The following AIRE variants were observed in gnomAD, a reference collection of about 807,000 sequenced individuals.
AIRE encodes the protein autoimmune regulator, also known as autoimmune polyendocrinopathy candidiasis ectodermal dystrophy protein.
A neutral mutation model predicts 62.1 loss-of-function variants in AIRE; 52 were observed. The observed-to-expected ratio is 0.84, with a 90% CI of 0.67 to 1.06. The LOEUF is 1.06. Ranked by LOEUF, AIRE falls within the 50% of genes least tolerant of loss-of-function variation. The pLI is 0.00. For synonymous variants in AIRE, 342 were observed against 321.6 expected, an observed-to-expected ratio of 1.06 and a Z score of -0.68; for missense variants, 774 against 755.8, an observed-to-expected ratio of 1.02 and a Z score of -0.28.
rs2040476806 is a variant in AIRE at position 44,285,968 on chromosome 21, ACCGCGTCCGCCCCAGCCCCGGGTCC to A, written c.-33_-9del. The stretch of plus-strand genomic sequence containing the variant: ...AGGGGCTGCCAGTGTCCCGGGACCC[ACCGCGTCCGCCCCAGCCCCGGGTCC>A]CCGCGCCCACCCCATGGCGACGGAC... On this transcript the variant is annotated 5_prime_UTR_variant, in exon 1 of 14. Coordinates refer to ENST00000291582, the MANE Select transcript of AIRE (RefSeq NM_000383.4). 4.0e-6 allele frequency: 6 copies of A among 1,517,594 alleles called. No homozygotes were observed. The highest frequency in any genetic ancestry group is 5.3e-6 in the Non-Finnish European group (6 of 1,137,510). The allele number at this position is 1,517,594 out of a possible 1,614,324, so 94.0% of individuals were successfully genotyped here.
chr21:44,292,862 T>TCCGCCCCCACCATGCCAGCCCA, intron 9 of AIRE, 131 bp from the exon 10 acceptor site: 1 of 758,096 alleles, frequency 1.3e-6, no homozygotes, highest in Non-Finnish European at 2.3e-6. Flanking sequence ...ATGCCAGCCC[T>TCCGCCCCCACCATGCCAGCCCA]CCGCCCCCAC....
intron 7 of AIRE, chr21:44,290,835 C>T (rs747802771): frequency 6.3e-7 from 1 of 1,577,362 alleles, no homozygotes; most frequent in Admixed American, 1.7e-5. Flanking sequence ...TCCGGGGCCC[C>T]TGGAACGCAG....
chr21:44,297,769 G>T lies in AIRE; in HGVS notation c.*42G>T. The T allele has an allele frequency of 6.4e-7, 1 of 1,565,308 alleles. No individual in the cohort carries two copies. Among genetic ancestry groups the T allele is most frequent in the Non-Finnish European group, 8.8e-7 (1 of 1,138,270 alleles). ...CATGCAGCTCTGATGAGAGAGTGCT[G>T]AGAAGGACACCTCCTTCCTCAGTCC... On this transcript the variant is annotated 3_prime_UTR_variant, in exon 14 of 14. Coordinates refer to ENST00000291582, the MANE Select transcript of AIRE (RefSeq NM_000383.4). The surrounding 1 kb of genome is among the most constrained non-coding windows in gnomAD (Gnocchi z 4.8).
In AIRE at chr21:44,287,561, G is replaced by C. The variant is rs534008464; in HGVS notation, c.508G>C (p.Ala170Pro). 6.4e-7 allele frequency: 1 copy of C among 1,558,954 alleles called. No individual in the cohort carries two copies. Among genetic ancestry groups the C allele is most frequent in the Non-Finnish European group, 8.7e-7 (1 of 1,151,500 alleles). The change falls in exon 4 of 14, where the codon GCA becomes CCA. Residue 170 changes from alanine (A) to proline (P), a missense_variant. Coordinates refer to ENST00000291582, the MANE Select transcript of AIRE (RefSeq NM_000383.4). This position sits in a 1 kb window ranked among gnomAD's most constrained non-coding sequence, Gnocchi z 4.3. ...GCCCCCCAAGAAGCCGGAGAGCAGC[G>C]CAGAGCAGCAGCGCCTTCCACTCGG... ...AKPPKKPESS[A>P]EQQRLPLGNG...
chr21:44,290,722 G>A, intron 7 of AIRE: 1 of 1,383,576 alleles, frequency 7.2e-7, no homozygotes, highest in Non-Finnish European at 9.6e-7. Context: ...AGGACGGTGG[G>A]GGCTGCAGGT....
In AIRE at chr21:44,297,705, C is replaced by T. The variant is rs179363889; in HGVS notation, c.1616C>T (p.Pro539Leu). The change falls in exon 14 of 14, where the codon CCG becomes CTG. Residue 539 changes from proline to leucine, a missense_variant. Pro to Leu is a moderately conservative substitution (Grantham distance 98). Transcript: ENST00000291582. This position sits in a 1 kb window ranked among gnomAD's most constrained non-coding sequence, Gnocchi z 4.8. ...TGGGCCATCCAGAGCATGGCCCGTCCGGCGGCCCCCTTCCCCTCCTGACCC... is the reference window on the plus strand; with the variant it reads ...TGGGCCATCCAGAGCATGGCCCGTCTGGCGGCCCCCTTCCCCTCCTGACCC... ...LQWAIQSMAR[P>L]AAPFPS 29 of 1,612,284 alleles carry T rather than the reference C, an allele frequency of 1.8e-5. No individual in the cohort carries two copies. The highest frequency in any genetic ancestry group is 3.3e-5 in the Admixed American group (2 of 60,004).
Position 44,292,306 on chromosome 21 carries a change from AC to A in AIRE, c.1002del (p.Trp335GlyfsTer43), listed in dbSNP as rs769305771. 4.5e-6 allele frequency: 7 copies of A among 1,572,342 alleles called. No homozygotes were observed. Among genetic ancestry groups the A allele is most frequent in the Non-Finnish European group, 5.2e-6 (6 of 1,159,372 alleles). ...GACTGGTGGACACACGAGCAGTGGGACCTGGAGGTGCTCCAGCTGCCTGCAG... is the reference window on the plus strand; with the variant it reads ...GACTGGTGGACACACGAGCAGTGGGACTGGAGGTGCTCCAGCTGCCTGCAG... The part of the protein sequence containing the change: ...SPPLREIPSG[T>X]WRCSSCLQAT... On this transcript the variant is annotated frameshift_variant, in exon 9 of 14. Coordinates refer to ENST00000291582, the MANE Select transcript of AIRE (RefSeq NM_000383.4). LOFTEE classifies it high-confidence loss of function.
rs776265045 is a variant in AIRE, at chr21:44,289,962, A to C, written c.799-26A>C. 2.5e-6 allele frequency: 4 copies of C among 1,608,106 alleles called. No homozygotes were observed. The South Asian group carries it at 4.4e-5, about 18-fold the overall frequency. ...CACCCTCGCTGCTGAGGCTGCCCCCATTGCTGACGCCCCTCTTCCTTGCAG... is the reference window on the plus strand; with the variant it reads ...CACCCTCGCTGCTGAGGCTGCCCCCCTTGCTGACGCCCCTCTTCCTTGCAG... On this transcript the variant is annotated intron_variant, in intron 6 of 13. Coordinates refer to ENST00000291582, the MANE Select transcript of AIRE (RefSeq NM_000383.4).
chr21:44,296,522 T>G (rs1395032510), intron 13 of AIRE, 77 bp downstream of exon 13: 1 of 1,386,468 alleles, frequency 7.2e-7, no homozygotes, highest in East Asian at 2.3e-5. Context: ...CTCCCCACTC[T>G]GGGGGAGGAC....
intron 12 of AIRE, among the ~76,000 whole-genome samples, chr21:44,294,710 G>A (rs1157042413): frequency 6.6e-6 from 1 of 152,180 alleles, no homozygotes; most frequent in African/African-American, 2.4e-5. Context: ...AGTTAAAAAG[G>A]AAGCTCCCCC....
intron 8 of AIRE, among the ~76,000 whole-genome samples, 165 bp from the exon 9 acceptor site, chr21:44,292,137 C>T (rs1344950169): frequency 6.6e-6 from 1 of 152,166 alleles, no homozygotes; most frequent in South Asian, 2.1e-4. Flanking sequence ...AAATGTCCCC[C>T]TGCTGGGCTC....
At chr21:44,294,003 C>G in intron 11 of AIRE, 93 bp downstream of exon 11, 2 of 1,474,952 alleles carry the variant, frequency 1.4e-6, no homozygotes, top group Non-Finnish European at 9.1e-7. Flanking sequence ...AGCCCACAAC[C>G]ACACCCCACC....
intron 13 of AIRE, among the ~76,000 whole-genome samples, chr21:44,296,664 C>CCA (rs2040612020): frequency 6.6e-6 from 1 of 150,904 alleles, no homozygotes. Context: ...GAGCCCCCCC[C>CCA]GGCCCCTCCC....
At chr21:44,294,574 G>A in intron 12 of AIRE, 71 bp downstream of exon 12, 6 of 861,320 alleles carry the variant, frequency 7.0e-6, no homozygotes, top group South Asian at 2.1e-5. Context: ...GGTGTTGGGG[G>A]AGCACATCTC....
chr21:44,292,641 G>A (rs984819568), intron 9 of AIRE, among the ~76,000 whole-genome samples: 2 of 152,088 alleles, frequency 1.3e-5, no homozygotes, highest in East Asian at 3.8e-4. Context: ...GGTCCACCCC[G>A]GGGGGCACTA....
At chr21:44,291,047 GT>G in intron 7 of AIRE, 47 bp from the exon 8 acceptor site, 1 of 1,613,492 alleles carries the variant, frequency 6.2e-7, no homozygotes, top group Non-Finnish European at 8.5e-7. Flanking sequence ...TCTCAGGAGG[GT>G]GCTGCACCCC....
In AIRE at chr21:44,291,192, C is replaced by G; in HGVS notation, c.977C>G (p.Pro326Arg). Reference sequence around the variant, plus strand: ...TTCCACCTGGCCTGCCTGTCCCCTCCGCTCCGGGAGATCCCCAGGTGAGCC... The same window carrying G: ...TTCCACCTGGCCTGCCTGTCCCCTCGGCTCCGGGAGATCCCCAGGTGAGCC... Reference protein sequence around the residue: ...RAFHLACLSPPLREIPSGTWR... With the variant: ...RAFHLACLSPRLREIPSGTWR... The change falls in exon 8 of 14, where the codon CCG (proline) becomes CGG (arginine). Residue 326 changes from proline (P) to arginine (R), a missense_variant. By Grantham distance (103) the Pro-to-Arg change is moderately radical. Around this residue, in one of 3 missense-constraint regions of AIRE, gnomAD observed 35 missense variants for 63.7 expected, o/e 0.55. Transcript: ENST00000291582. The G allele has an allele frequency of 6.2e-7, 1 of 1,600,426 alleles. No homozygotes were observed. The highest frequency in any genetic ancestry group is 1.1e-5 in the South Asian group (1 of 91,012).
In AIRE at chr21:44,289,741, C is replaced by T. The variant is rs775813007; in HGVS notation, c.737C>T (p.Ala246Val). 1.2e-6 allele frequency: 2 copies of T among 1,612,838 alleles called. No individual in the cohort carries two copies. Among genetic ancestry groups the T allele is most frequent in the East Asian group, 2.2e-5 (1 of 44,892 alleles). ...FEDSGSGKNK[A>V]RSSSGPKPLV... ...GACTCCGGCAGTGGGAAGAACAAGG[C>T]CCGCAGCAGCAGTGGCCCGAAGCCT... Residue 246 changes from alanine (A) to valine (V), a missense_variant, in exon 6 of 14, where the codon GCC becomes GTC. By Grantham distance (64) the Ala-to-Val change is moderately conservative. This residue lies in a region of AIRE where 385 missense variants were observed against 396.0 expected (regional missense o/e 0.97). Coordinates refer to ENST00000291582, the MANE Select transcript of AIRE (RefSeq NM_000383.4).
intron 10 of AIRE, 86 bp downstream of exon 10, chr21:44,293,261 G>A: frequency 1.4e-6 from 2 of 1,394,488 alleles, no homozygotes; most frequent in Non-Finnish European, 1.9e-6. Context: ...CAGGAGGAGA[G>A]GGAGGCCAGG....
Sources: allele counts gnomAD v4.1 joint callset (sites outside exome capture counted in the v4.1 genomes callset), GRCh38; gene constraint gnomAD v4.1.1; regional missense constraint gnomAD v4.1.1; non-coding constraint Gnocchi (gnomAD v3.1); transcripts MANE v1.5; gene names NCBI Gene and HGNC (gene_info 2026-07-23, HGNC 2026-07-21).